The following SLC24A2 variants were observed in gnomAD, a reference collection of about 807,000 sequenced individuals.
SLC24A2 encodes solute carrier family 24 member 2, also known as sodium/potassium/calcium exchanger 2.
In SLC24A2, 36 loss-of-function variants were observed where a neutral mutation model predicts 62.0. The ratio of observed to expected loss-of-function variants is 0.58; its 90% CI spans 0.44 to 0.77. The LOEUF is 0.77. Ranked by LOEUF, SLC24A2 falls within the 30% of genes least tolerant of loss-of-function variation. The pLI is 0.00. For synonymous variants in SLC24A2, 358 were observed against 294.0 expected, an observed-to-expected ratio of 1.22 and a Z score of -2.23; for missense variants, 846 against 817.9, an observed-to-expected ratio of 1.03 and a Z score of -0.42.
chr9:19,547,053 T>C (rs1834614678), intron 8 of SLC24A2, among the ~76,000 whole-genome samples: 1 of 152,196 alleles, frequency 6.6e-6, no homozygotes, highest in African/African-American at 2.4e-5. Context: ...AGCTGCATAC[T>C]GGAGCTGTTC....
chr9:20,162,335 C>T, the SLC24A2 span, among the ~76,000 whole-genome samples: 8 of 151,550 alleles, frequency 5.3e-5, no homozygotes, highest in Non-Finnish European at 1.2e-4. Context: ...AAATAAAATG[C>T]CTAGGCATAA....
chr9:20,073,876 G>GTATATA, the SLC24A2 span, among the ~76,000 whole-genome samples: 1,375 of 116,836 alleles, frequency 0.012, 13 homozygotes, highest in South Asian at 0.032. Context: ...ATATGTGCGT[G>GTATATA]TATATATATA....
chr9:19,705,031 G>A (rs1407912183), intron 2 of SLC24A2, among the ~76,000 whole-genome samples: 1 of 152,028 alleles, frequency 6.6e-6, no homozygotes, highest in Non-Finnish European at 1.5e-5. Context: ...TTCTCCCTTG[G>A]AAAATTTACC....
the SLC24A2 span, among the ~76,000 whole-genome samples, chr9:20,255,917 A>G: frequency 6.6e-6 from 1 of 152,160 alleles, no homozygotes; most frequent in African/African-American, 2.4e-5. Context: ...GCAGAATACT[A>G]CAGACCAGGT....
At chr9:19,575,409 G>A (rs1835979401) in intron 6 of SLC24A2, among the ~76,000 whole-genome samples, 1 of 152,216 alleles carries the variant, frequency 6.6e-6, no homozygotes, top group African/African-American at 2.4e-5. Context: ...TAAAAGGGGA[G>A]TTAACATGTC....
chr9:19,908,714 A>C, the SLC24A2 span, among the ~76,000 whole-genome samples: 248 of 152,330 alleles, frequency 1.6e-3, 5 homozygotes, highest in East Asian at 0.046. Context: ...TTATGCAGCC[A>C]AAAAACACAT....
At chr9:19,709,031 T>C (rs897526191) in intron 2 of SLC24A2, among the ~76,000 whole-genome samples, 1 of 151,950 alleles carries the variant, frequency 6.6e-6, no homozygotes, top group African/African-American at 2.4e-5. Context: ...ATATCCAGAA[T>C]CTACAATGAA....
At chr9:19,652,107 C>T (rs2118167166) in intron 2 of SLC24A2, among the ~76,000 whole-genome samples, 1 of 152,284 alleles carries the variant, frequency 6.6e-6, no homozygotes, top group Admixed American at 6.5e-5. Context: ...ATTGTTAAAG[C>T]TAATTGGTAG....
the SLC24A2 span, among the ~76,000 whole-genome samples, chr9:20,116,857 C>A: frequency 6.6e-6 from 1 of 152,178 alleles, no homozygotes; most frequent in African/African-American, 2.4e-5. Flanking sequence ...CTTAGATCAT[C>A]CAATTGTAAT....
chr9:19,835,912 A>T, the SLC24A2 span, among the ~76,000 whole-genome samples: 1 of 152,250 alleles, frequency 6.6e-6, no homozygotes, highest in African/African-American at 2.4e-5. Context: ...AGAACTCAGG[A>T]TTAAGAAACT....
chr9:20,219,909 C>T, the SLC24A2 span, among the ~76,000 whole-genome samples: 1 of 152,056 alleles, frequency 6.6e-6, no homozygotes, highest in African/African-American at 2.4e-5. Context: ...TTCATATATC[C>T]AGCACTATAC....
At chr9:20,205,649 T>TAAAAAAAAAAAAA in the SLC24A2 span, among the ~76,000 whole-genome samples, 172 of 65,276 alleles carry the variant, frequency 2.6e-3, no homozygotes, top group African/African-American at 3.3e-3. Context: ...AGACTCCATC[T>TAAAAAAAAAAAAA]AAAAAAAAAA....
intron 2 of SLC24A2, among the ~76,000 whole-genome samples, chr9:19,647,961 T>C (rs1436269507): frequency 6.6e-6 from 1 of 152,100 alleles, no homozygotes; most frequent in African/African-American, 2.4e-5. Context: ...TTCCTATTGG[T>C]GGTAGTGACA....
the SLC24A2 span, among the ~76,000 whole-genome samples, chr9:19,837,211 G>A: frequency 6.6e-6 from 1 of 151,874 alleles, no homozygotes; most frequent in East Asian, 1.9e-4. Flanking sequence ...CCAGCACTTT[G>A]GGAGGCCGAG....
chr9:20,008,003 C>T, the SLC24A2 span, among the ~76,000 whole-genome samples: 3 of 144,968 alleles, frequency 2.1e-5, no homozygotes, highest in Non-Finnish European at 4.5e-5. Context: ...TCAAGCGATT[C>T]TCCTGCCTCA....
chr9:19,595,604 T>C (rs1349473391), intron 5 of SLC24A2, among the ~76,000 whole-genome samples: 4 of 152,270 alleles, frequency 2.6e-5, no homozygotes, highest in Admixed American at 6.5e-5. Context: ...TAGAATCAGA[T>C]TGGAAGTAGA....
the SLC24A2 span, among the ~76,000 whole-genome samples, chr9:20,077,954 G>A: frequency 6.6e-6 from 1 of 152,136 alleles, no homozygotes; most frequent in South Asian, 2.1e-4. Flanking sequence ...ATTAGAACTA[G>A]AGGTTAGGCT....
chr9:19,952,912 T>A, the SLC24A2 span, among the ~76,000 whole-genome samples: 1 of 151,966 alleles, frequency 6.6e-6, no homozygotes, highest in Non-Finnish European at 1.5e-5. Context: ...AGGTTTATAA[T>A]TACAAATTTA....
intron 8 of SLC24A2, among the ~76,000 whole-genome samples, chr9:19,544,528 T>C (rs1481905172): frequency 3.3e-5 from 5 of 152,184 alleles, no homozygotes; most frequent in African/African-American, 1.2e-4. Context: ...ATAGTGTTGA[T>C]GGTCTTTACA....
Sources: allele counts gnomAD v4.1 joint callset (sites outside exome capture counted in the v4.1 genomes callset), GRCh38; gene constraint gnomAD v4.1.1; transcripts MANE v1.5; gene names NCBI Gene and HGNC (gene_info 2026-07-23, HGNC 2026-07-21).